The following CYP26B1 variants were observed in gnomAD, a reference collection of about 807,000 sequenced individuals.
CYP26B1 encodes cytochrome P450 26B1.
CYP26B1 carries 8 observed loss-of-function variants against 39.1 expected under a neutral mutation model. The ratio of observed to expected loss-of-function variants is 0.20; its 90% CI spans 0.12 to 0.37. The LOEUF is 0.37. Among genes scored for constraint, CYP26B1 ranks in the 10% least tolerant of loss-of-function variants. CYP26B1 has a pLI of 1.00. For missense variants in CYP26B1, 615 were observed against 707.0 expected, an observed-to-expected ratio of 0.87 and a Z score of 1.48; for synonymous variants, 321 against 314.3, an observed-to-expected ratio of 1.02 and a Z score of -0.23.
At chr2:72,139,334 G>C (rs1676872038) in intron 2 of CYP26B1, among the ~76,000 whole-genome samples, 1 of 152,166 alleles carries the variant, frequency 6.6e-6, no homozygotes, top group Non-Finnish European at 1.5e-5. Flanking sequence ...TTCAAGCAAG[G>C]GGGGTAAGAG....
At chr2:72,133,430 T>A in intron 4 of CYP26B1, 123 bp from the exon 5 acceptor site, 1 of 1,243,466 alleles carries the variant, frequency 8.0e-7, no homozygotes, top group Non-Finnish European at 1.1e-6. Context: ...GTTCCTGCAG[T>A]GAATTCTGCT....
At position 72,135,210 on chromosome 2, in the gene CYP26B1, G is replaced by A; in HGVS notation, c.639C>T (p.Val213=). The A allele has an allele frequency of 6.2e-7, 1 of 1,614,096 alleles. No homozygotes were observed. Among genetic ancestry groups the A allele is most frequent in the Non-Finnish European group, 8.5e-7 (1 of 1,180,034 alleles). Reference sequence around the variant, plus strand: ...AGACATTGTCCACAAACTGCTGGTAGACCTCAAAGAGGTGCCCAAGGTCCT... The same window carrying A: ...AGACATTGTCCACAAACTGCTGGTAAACCTCAAAGAGGTGCCCAAGGTCCT... ...PEEDLGHLFE[V]YQQFVDNVFS... is the part of the protein sequence containing the mutation. The change falls in exon 3 of 6, where the codon GTC becomes GTT. Residue 213 remains valine (V), a synonymous_variant. Transcript: ENST00000001146.
intron 2 of CYP26B1, among the ~76,000 whole-genome samples, chr2:72,135,715 G>C (rs74570889): frequency 6.6e-6 from 1 of 152,174 alleles, no homozygotes; most frequent in African/African-American, 2.4e-5. Flanking sequence ...GAGCACAGTC[G>C]TTGGACTGTA....
At chr2:72,143,583 G>A (rs1677019106) in intron 2 of CYP26B1, among the ~76,000 whole-genome samples, 5 of 152,258 alleles carry the variant, frequency 3.3e-5, no homozygotes, top group African/African-American at 7.2e-5. Context: ...TGGTGGGAAG[G>A]ACAGCTTTGA....
chr2:72,141,173 G>A (rs1676931272), intron 2 of CYP26B1, among the ~76,000 whole-genome samples: 2 of 152,152 alleles, frequency 1.3e-5, no homozygotes, highest in Non-Finnish European at 2.9e-5. Context: ...CACAAAGAGG[G>A]ATGGGGTCCC....
chr2:72,133,062 G>A lies in CYP26B1; in HGVS notation c.1107C>T (p.Ser369=), dbSNP rs559122650. 1.1e-5 allele frequency: 18 copies of A among 1,613,274 alleles called. No homozygotes were observed. The highest frequency in any genetic ancestry group is 1.6e-4 in the Middle Eastern group (1 of 6,062). Residue 369 remains serine, a synonymous_variant, in exon 5 of 6, where the codon TCC becomes TCT. Coordinates refer to ENST00000001146, the MANE Select transcript of CYP26B1 (RefSeq NM_019885.4). ...KEVMRLFTPI[S]GGYRTVLQTF... ...TCTGCAGCACAGTGCGGTAGCCGCC[G>A]GAAATGGGCGTGAACAGGCGCATGA...
At chr2:72,144,607 G>T (rs973374600) in intron 1 of CYP26B1, 3 of 626,782 alleles carry the variant, frequency 4.8e-6, no homozygotes, top group Admixed American at 6.4e-5. Context: ...GGGCTGGCGA[G>T]ACCCCGCGGG....
chr2:72,146,954 A>T (rs1677138108), intron 1 of CYP26B1, among the ~76,000 whole-genome samples: 2 of 152,018 alleles, frequency 1.3e-5, no homozygotes, highest in Non-Finnish European at 2.9e-5. Flanking sequence ...CACCTCTCCC[A>T]AGTTTCCCTC....
At chr2:72,132,657 G>A (rs1198564380) in intron 5 of CYP26B1, 38 bp from the exon 6 acceptor site, 4 of 1,564,544 alleles carry the variant, frequency 2.6e-6, no homozygotes, top group Non-Finnish European at 3.5e-6. Context: ...GGTGGTGAGA[G>A]CCAGAGGAGC....
At chr2:72,143,262 C>G (rs189879565) in intron 2 of CYP26B1, among the ~76,000 whole-genome samples, 1 of 152,242 alleles carries the variant, frequency 6.6e-6, no homozygotes, top group South Asian at 2.1e-4. Flanking sequence ...GCGCTGGGAG[C>G]CTAGCGCAGC....
In CYP26B1 at chr2:72,144,082, G is replaced by A. The variant is rs756547807; in HGVS notation, c.336C>T (p.Leu112=). 7 of 1,613,554 alleles carry A rather than the reference G, an allele frequency of 4.3e-6. No individual in the cohort carries two copies. In the African/African-American group the frequency reaches 9.3e-5, roughly 22 times the overall value. The change falls in exon 2 of 6, where the codon CTC becomes CTT. Residue 112 remains leucine, a synonymous_variant. Coordinates refer to ENST00000001146, the MANE Select transcript of CYP26B1 (RefSeq NM_019885.4). ...TGCTGCGAGGCCACTCGGTGCTCAC[G>A]AGGTGGTGCTCGCCCATGAGGATCT... The part of the protein sequence containing the change: ...VRKILMGEHH[L]VSTEWPRSTR...
In CYP26B1 at chr2:72,134,751, C is replaced by G. The variant is rs1471108785; in HGVS notation, c.861+10G>C. The G allele has an allele frequency of 1.2e-6, 2 of 1,610,826 alleles. No homozygotes were observed. ...TGGTGCTGCCCGTGAGGGGCACACG[C>G]CCACCCCACCTTCAGCTCCTGCATG... is the stretch of plus-strand genomic sequence containing the variant. On this transcript the variant is annotated intron_variant, in intron 4 of 5. Transcript: ENST00000001146.
intron 4 of CYP26B1, 42 bp downstream of exon 4, chr2:72,134,719 T>C: frequency 6.3e-7 from 1 of 1,589,780 alleles, no homozygotes; most frequent in South Asian, 1.1e-5. Flanking sequence ...GAATGGAGCC[T>C]GGGTGCTGGT....
intron 2 of CYP26B1, among the ~76,000 whole-genome samples, chr2:72,140,092 C>A (rs183574084): frequency 6.6e-6 from 1 of 152,228 alleles, no homozygotes. Flanking sequence ...CCACTCCCTG[C>A]CAAGGCCACC....
chr2:72,130,550 G>T lies in CYP26B1; in HGVS notation c.*1677C>A, dbSNP rs1427917152. On this transcript the variant is annotated 3_prime_UTR_variant, in exon 6 of 6. Transcript: ENST00000001146. Reference sequence around the variant, plus strand: ...ACTGAGGTGCTCACAGCAGCGATCGGGGACTGGCATGTCCTTCATTCTTCT... The same window carrying T: ...ACTGAGGTGCTCACAGCAGCGATCGTGGACTGGCATGTCCTTCATTCTTCT... 6.6e-6 allele frequency: 1 copy of T among 152,156 alleles called. No homozygotes were observed. Among genetic ancestry groups the T allele is most frequent in the Non-Finnish European group, 1.5e-5 (1 of 68,028 alleles). The allele number at this position is 152,156 out of a possible 1,614,324, so 9.4% of individuals were successfully genotyped here. A position where few individuals can be genotyped will look rare whatever the true frequency, so the allele number is the denominator to read the frequency against.
At chr2:72,144,605 G>T in intron 1 of CYP26B1, 4 of 650,732 alleles carry the variant, frequency 6.1e-6, no homozygotes, top group Non-Finnish European at 7.6e-6. Flanking sequence ...ACGGGCTGGC[G>T]AGACCCCGCG....
chr2:72,132,219 G>A lies in CYP26B1; in HGVS notation c.*8C>T. On this transcript the variant is annotated 3_prime_UTR_variant, in exon 6 of 6. Coordinates refer to ENST00000001146, the MANE Select transcript of CYP26B1 (RefSeq NM_019885.4). Reference sequence around the variant, plus strand: ...GCCTGGGCTGGGCTGAGGCGGGTGGGTCTTGGGTTAGACTGTGGCGCTCAG... The same window carrying A: ...GCCTGGGCTGGGCTGAGGCGGGTGGATCTTGGGTTAGACTGTGGCGCTCAG... The A allele has an allele frequency of 1.9e-6, 3 of 1,596,104 alleles. No individual in the cohort carries two copies. The South Asian group carries it at 3.4e-5, about 18-fold the overall frequency.
rs113873901 is a variant in CYP26B1 at position 72,132,631 on chromosome 2, T to C, written c.1147-12A>G. The C allele has an allele frequency of 2.4e-4, 389 of 1,590,254 alleles. 4 individuals are homozygous for C. The African/African-American group carries it at 2.9e-3, about 12-fold the overall frequency. On this transcript the variant is annotated splice_polypyrimidine_tract_variant and intron_variant, in intron 5 of 5. Coordinates refer to ENST00000001146, the MANE Select transcript of CYP26B1 (RefSeq NM_019885.4). Reference sequence around the variant, plus strand: ...GGGATCTGGAAACCCTGGAGCAAGATGGGGGCCGAGGAGTGGGTGGTGAGA... The same window carrying C: ...GGGATCTGGAAACCCTGGAGCAAGACGGGGGCCGAGGAGTGGGTGGTGAGA...
chr2:72,132,694 C>G, intron 5 of CYP26B1, 75 bp from the exon 6 acceptor site: 1 of 1,527,540 alleles, frequency 6.5e-7, no homozygotes, highest in Non-Finnish European at 8.8e-7. Flanking sequence ...ACTGCCCCCT[C>G]CCTGCTCAGC....
Sources: allele counts gnomAD v4.1 joint callset (sites outside exome capture counted in the v4.1 genomes callset), GRCh38; gene constraint gnomAD v4.1.1; transcripts MANE v1.5; gene names NCBI Gene and HGNC (gene_info 2026-07-23, HGNC 2026-07-21).